The following ECEL1 variants were observed in gnomAD, a reference collection of about 807,000 sequenced individuals.
The protein encoded by ECEL1 is endothelin converting enzyme like 1, also known as endothelin-converting enzyme-like 1.
In ECEL1, 87 loss-of-function variants were observed where a neutral mutation model predicts 101.8. The ratio of observed to expected loss-of-function variants is 0.85; its 90% CI spans 0.72 to 1.02. The LOEUF (loss-of-function observed/expected upper bound fraction) is 1.02. ECEL1 is among the 50% of genes least tolerant of loss of function. The probability of loss-of-function intolerance (pLI) is 0.00; values close to 1 mark genes in which losing one functional copy is unlikely to be tolerated. For missense variants in ECEL1, 1,032 were observed against 1,079.2 expected (o/e 0.96, Z 0.61); for synonymous variants, 487 against 468.7 (o/e 1.04, Z -0.50).
chr2:232,484,341 C>T lies in ECEL1; in HGVS notation c.1185-118G>A, dbSNP rs1270081693. ...TGGACCCAGGACCCAGACAGCCCCA[C>T]AAAGAAGGGACAGGGGGTCATCCCA... On this transcript the variant is annotated intron_variant, in intron 6 of 17. Transcript: ENST00000304546. 1.7e-5 allele frequency: 27 copies of T among 1,561,666 alleles called. No individual in the cohort carries two copies. In the East Asian group the frequency reaches 4.7e-4, roughly 27 times the overall value.
chr2:232,480,967 C>A, intron 15 of ECEL1, 124 bp downstream of exon 15: 1 of 1,404,640 alleles, frequency 7.1e-7, no homozygotes, highest in Non-Finnish European at 9.8e-7. Context: ...AGCACATGCC[C>A]TGCCCCACCC....
Position 232,485,999 on chromosome 2 carries a change from G to T in ECEL1, c.655C>A (p.Arg219Ser). The change falls in exon 2 of 18, where the codon CGT becomes AGT. Residue 219 changes from arginine to serine, a missense_variant. By Grantham distance (110) the Arg-to-Ser change is moderately radical. Transcript: ENST00000304546. Reference protein sequence around the residue: ...GGWDLGGAEERPGVAARWDLN... With the variant: ...GGWDLGGAEESPGVAARWDLN... ...TCCCATCGCGCCGCGACCCCCGGAC[G>T]CTCCTCCGCGCCGCCCAGGTCCCAG... 6.2e-7 allele frequency: 1 copy of T among 1,606,972 alleles called. No individual in the cohort carries two copies. The highest frequency in any genetic ancestry group is 1.3e-5 in the African/African-American group (1 of 74,974).
In ECEL1 at chr2:232,480,764, C is replaced by T. The variant is rs117012322; in HGVS notation, c.2105G>A (p.Arg702Gln). Residue 702 changes from arginine to glutamine, a missense_variant, in exon 16 of 18, where the codon CGG (arginine) becomes CAG (glutamine). Arg to Gln is a conservative substitution (Grantham distance 43). Transcript: ENST00000304546. ...REHGPEHPLP[R>Q]LKYTHDQLFF... ...GAGCTGGTCATGTGTGTACTTGAGC[C>T]GGGGAAGTGGGTGCTCTGGGCCGTG... is the stretch of plus-strand genomic sequence containing the variant. The T allele has an allele frequency of 1.4e-3, 2,255 of 1,614,118 alleles. 31 individuals carry two copies. In the East Asian group the frequency reaches 0.028, roughly 20 times the overall value.
chr2:232,484,052 C>T lies in ECEL1; in HGVS notation c.1356G>A (p.Ala452=), dbSNP rs777601910. The change falls in exon 7 of 18, where the codon GCG becomes GCA. Residue 452 remains alanine, a synonymous_variant. Coordinates refer to ENST00000304546, the MANE Select transcript of ECEL1 (RefSeq NM_004826.4). ...GCTCATGTACAAAGAGGGCGCCAAGCGCCATGCCAAAGTGGCGATTGGCCT... is the reference window on the plus strand; with the variant it reads ...GCTCATGTACAAAGAGGGCGCCAAGTGCCATGCCAAAGTGGCGATTGGCCT... The part of the protein sequence containing the change: ...LGQANRHFGM[A]LGALFVHEHF... 67 of 1,612,324 alleles carry T rather than the reference C, an allele frequency of 4.2e-5. No individual in the cohort carries two copies. Among genetic ancestry groups the T allele is most frequent in the Non-Finnish European group, 4.2e-5 (50 of 1,178,860 alleles).
At chr2:232,484,401 C>A (rs1690665197) in intron 6 of ECEL1, 71 bp downstream of exon 6, 1 of 1,593,460 alleles carries the variant, frequency 6.3e-7, no homozygotes, top group African/African-American at 1.3e-5. Context: ...GCCCACCCAG[C>A]AGAGAGGTCC....
intron 15 of ECEL1, 90 bp downstream of exon 15, chr2:232,481,001 G>T: frequency 1.3e-6 from 2 of 1,489,774 alleles, no homozygotes; most frequent in South Asian, 1.2e-5. Context: ...AGCAGGGTGG[G>T]CAGGGAGAGG....
intron 12 of ECEL1, 126 bp from the exon 13 acceptor site, chr2:232,481,975 G>A (rs1000277741): frequency 4.8e-6 from 6 of 1,253,606 alleles, no homozygotes; most frequent in African/African-American, 4.5e-5. Flanking sequence ...AGAGGCATCC[G>A]TGCGGTCCAG....
chr2:232,484,986 C>A lies in ECEL1; in HGVS notation c.961G>T (p.Ala321Ser). The change falls in exon 4 of 18, where the codon GCC becomes TCC. Residue 321 changes from alanine to serine, a missense_variant. Ala to Ser is a moderately conservative substitution (Grantham distance 99, BLOSUM62 1). Coordinates refer to ENST00000304546, the MANE Select transcript of ECEL1 (RefSeq NM_004826.4). Reference protein sequence around the residue: ...QEILQVEQQLANITVSEHDDL... With the variant: ...QEILQVEQQLSNITVSEHDDL... ...TCCAGTCCTGGTCTGCTCACGTTGG[C>A]CAGCTGCTGCTCCACTTGCAGGATC... The A allele has an allele frequency of 6.2e-6, 10 of 1,613,058 alleles. No homozygotes were observed. Among genetic ancestry groups the A allele is most frequent in the Non-Finnish European group, 7.6e-6 (9 of 1,180,010 alleles).
At chr2:232,483,628 C>A in intron 7 of ECEL1, 114 bp from the exon 8 acceptor site, 1 of 835,274 alleles carries the variant, frequency 1.2e-6, no homozygotes, top group Non-Finnish European at 1.8e-6. Flanking sequence ...AACCTCATTT[C>A]TGAACACCAA....
At position 232,486,758 on chromosome 2, in the gene ECEL1, C is replaced by T. The variant is rs775434997; in HGVS notation, c.-101-4G>A. The stretch of plus-strand genomic sequence containing the variant: ...CCGCATGGCCCTGGGGCCGCAGCTG[C>T]GGGAAGGGCGGAAGCAGGCTCAGGA... On this transcript the variant is annotated splice_region_variant and splice_polypyrimidine_tract_variant and intron_variant, in intron 1 of 17. Transcript: ENST00000304546. 2 of 1,199,196 alleles carry T rather than the reference C, an allele frequency of 1.7e-6. No individual in the cohort carries two copies. The highest frequency in any genetic ancestry group is 2.1e-6 in the Non-Finnish European group (2 of 945,210). The allele number at this position is 1,199,196 out of a possible 1,614,324, so 74.3% of individuals were successfully genotyped here.
chr2:232,485,294 T>C, intron 2 of ECEL1, 27 bp from the exon 3 acceptor site: 1 of 1,610,188 alleles, frequency 6.2e-7, no homozygotes, highest in Non-Finnish European at 8.5e-7. Flanking sequence ...GGGCCACAGG[T>C]CAGAGGCCCA....
chr2:232,484,700 C>T, intron 5 of ECEL1, 101 bp downstream of exon 5: 1 of 1,602,964 alleles, frequency 6.2e-7, no homozygotes, highest in East Asian at 2.2e-5. Context: ...AGTCCATGGC[C>T]AAGGAACGGT....
rs747095205 is a variant in ECEL1, at chr2:232,482,916, C to T, written c.1620G>A (p.Leu540=). 13 of 1,614,056 alleles carry T rather than the reference C, an allele frequency of 8.1e-6. No homozygotes were observed. Among genetic ancestry groups the T allele is most frequent in the Non-Finnish European group, 9.3e-6 (11 of 1,180,050 alleles). ...GCTGGATGCTGAAGCGGATGCTGTT[C>T]AAGATGTTCTTGAAGTAGGTCTTCT... ...VHEKTYFKNI[L]NSIRFSIQLS... is the part of the protein sequence containing the mutation. Residue 540 remains leucine (L), a synonymous_variant, in exon 10 of 18, where the codon TTG becomes TTA. Coordinates refer to ENST00000304546, the MANE Select transcript of ECEL1 (RefSeq NM_004826.4).
chr2:232,486,734 C>A lies in ECEL1; in HGVS notation c.-81G>T. 2 of 1,345,102 alleles carry A rather than the reference C, an allele frequency of 1.5e-6. No homozygotes were observed. The highest frequency in any genetic ancestry group is 9.6e-7 in the Non-Finnish European group (1 of 1,045,446). 83.3% of individuals were successfully genotyped at this position (1,345,102 alleles called of 1,614,324 possible). A position where few individuals can be genotyped will look rare whatever the true frequency, so the allele number is the denominator to read the frequency against. On this transcript the variant is annotated 5_prime_UTR_variant, in exon 2 of 18. Coordinates refer to ENST00000304546, the MANE Select transcript of ECEL1 (RefSeq NM_004826.4). Reference sequence around the variant, plus strand: ...GGCCGCCGGCCTCCTCGTGGGCCTCCGCATGGCCCTGGGGCCGCAGCTGCG... The same window carrying A: ...GGCCGCCGGCCTCCTCGTGGGCCTCAGCATGGCCCTGGGGCCGCAGCTGCG...
Position 232,484,613 on chromosome 2 carries a change from A to G in ECEL1, c.1060-17T>C, listed in dbSNP as rs1690672538. The G allele has an allele frequency of 1.2e-6, 2 of 1,613,382 alleles. No homozygotes were observed. Among genetic ancestry groups the G allele is most frequent in the South Asian group, 1.1e-5 (1 of 91,070 alleles). ...CCACCGCAACTGTGAGACCAAGGACAGGGACAGTGAGGCTAGGGTTGGCAG... is the reference window on the plus strand; with the variant it reads ...CCACCGCAACTGTGAGACCAAGGACGGGGACAGTGAGGCTAGGGTTGGCAG... On this transcript the variant is annotated splice_polypyrimidine_tract_variant and intron_variant, in intron 5 of 17. Transcript: ENST00000304546.
rs201380022 is a variant in ECEL1, at chr2:232,482,499, C to T, written c.1745-30G>A. The T allele has an allele frequency of 7.9e-5, 128 of 1,614,040 alleles. No homozygotes were observed. In the African/African-American group the frequency reaches 1.5e-3, roughly 18 times the overall value. On this transcript the variant is annotated intron_variant, in intron 11 of 17. Coordinates refer to ENST00000304546, the MANE Select transcript of ECEL1 (RefSeq NM_004826.4). ...AAGAAGGGGGTGCTCAGTGGGAAAC[C>T]CATCCACTTTCGGACCCTGCCCCGC...
intron 2 of ECEL1, 81 bp downstream of exon 2, chr2:232,485,787 C>G: frequency 6.6e-7 from 1 of 1,505,064 alleles, no homozygotes; most frequent in Non-Finnish European, 8.9e-7. Context: ...GCACCCGCCT[C>G]CCGCGCGCAG....
rs1690716443 is a variant in ECEL1, at chr2:232,486,078, C to A, written c.576G>T (p.Glu192Asp). The change falls in exon 2 of 18, where the codon GAG becomes GAT. Residue 192 changes from glutamate to aspartate, a missense_variant. Transcript: ENST00000304546. ...TGGGTCGCGGGCCCAGTCGCTCGATCTCGCGCATGTCGAGGCACGAGCGGA... is the reference window on the plus strand; with the variant it reads ...TGGGTCGCGGGCCCAGTCGCTCGATATCGCGCATGTCGAGGCACGAGCGGA... ...AFFRSCLDMREIERLGPRPML... is the reference protein window; with the variant it reads ...AFFRSCLDMRDIERLGPRPML... The A allele has an allele frequency of 1.2e-6, 2 of 1,603,084 alleles. No homozygotes were observed. Among genetic ancestry groups the A allele is most frequent in the Non-Finnish European group, 1.7e-6 (2 of 1,175,970 alleles).
Position 232,486,162 on chromosome 2 carries a change from C to T in ECEL1, c.492G>A (p.Leu164=), listed in dbSNP as rs200359962. ...GEQNEERLRR[L]LARPGGGPGG... Reference sequence around the variant, plus strand: ...CAGGCCCACCCCCGGGCCGCGCCAGCAGGCGCCGTAGGCGCTCCTCGTTTT... The same window carrying T: ...CAGGCCCACCCCCGGGCCGCGCCAGTAGGCGCCGTAGGCGCTCCTCGTTTT... The change falls in exon 2 of 18, where the codon CTG becomes CTA. Residue 164 remains leucine, a synonymous_variant. Coordinates refer to ENST00000304546, the MANE Select transcript of ECEL1 (RefSeq NM_004826.4). 177 of 1,576,024 alleles carry T rather than the reference C, an allele frequency of 1.1e-4. No individual in the cohort carries two copies. In the African/African-American group the frequency reaches 2.2e-3, roughly 19 times the overall value.
Sources: allele counts gnomAD v4.1 joint callset, GRCh38; gene constraint gnomAD v4.1.1; transcripts MANE v1.5; gene names NCBI Gene and HGNC (gene_info 2026-07-23, HGNC 2026-07-21).